MACROD2: variants seen among roughly 807,000 people sequenced by gnomAD.
MACROD2 encodes mono-ADP ribosylhydrolase 2, also known as ADP-ribose glycohydrolase MACROD2.
Under a neutral mutation model 70.4 loss-of-function variants are expected in MACROD2, and 36 were observed. That is an observed-to-expected ratio of 0.51 (90% CI 0.39 to 0.68). MACROD2 has a LOEUF of 0.68. Among genes scored for constraint, MACROD2 ranks in the 30% least tolerant of loss-of-function variants. MACROD2 has a pLI of 0.00. For missense variants in MACROD2, 496 were observed against 538.4 expected, an observed-to-expected ratio of 0.92 and a Z score of 0.78; for synonymous variants, 172 against 178.8, an observed-to-expected ratio of 0.96 and a Z score of 0.30.
At chr20:15,684,254 T>C (rs550958479) in intron 8 of MACROD2, among the ~76,000 whole-genome samples, 1 of 152,266 alleles carries the variant, frequency 6.6e-6, no homozygotes, top group African/African-American at 2.4e-5. Context: ...TTCCTCAGTA[T>C]GTAAAGAAGG....
intron 4 of MACROD2, among the ~76,000 whole-genome samples, chr20:14,567,335 A>T (rs1435159118): frequency 6.6e-6 from 1 of 152,080 alleles, no homozygotes; most frequent in African/African-American, 2.4e-5. Context: ...AGCTAGATCC[A>T]TATTTAATGG....
chr20:14,796,597 A>T (rs2072512388), intron 5 of MACROD2, among the ~76,000 whole-genome samples: 1 of 152,056 alleles, frequency 6.6e-6, no homozygotes, highest in Non-Finnish European at 1.5e-5. Context: ...TTATAAGAGT[A>T]CAGCATTTAT....
intron 8 of MACROD2, among the ~76,000 whole-genome samples, chr20:15,567,136 C>T (rs1404893274): frequency 6.6e-6 from 1 of 150,594 alleles, no homozygotes; most frequent in East Asian, 1.9e-4. Flanking sequence ...AATACACTGG[C>T]TCTAGTTAAA....
At chr20:15,486,874 T>C (rs1229451846) in intron 7 of MACROD2, among the ~76,000 whole-genome samples, 2 of 152,198 alleles carry the variant, frequency 1.3e-5, no homozygotes, top group Non-Finnish European at 2.9e-5. Context: ...AAACAACCTC[T>C]AAAACCAAGT....
At chr20:15,677,180 A>C (rs1175367365) in intron 8 of MACROD2, among the ~76,000 whole-genome samples, 1 of 152,194 alleles carries the variant, frequency 6.6e-6, no homozygotes, top group Admixed American at 6.5e-5. Context: ...GTTTTGGAGA[A>C]TAAGTTGTCT....
chr20:14,894,151 C>T (rs1257784367), intron 5 of MACROD2: 2 of 152,072 alleles, frequency 1.3e-5, no homozygotes, highest in African/African-American at 4.8e-5. Context: ...TTGTTTATTG[C>T]AATTTTTGCT....
intron 2 of MACROD2, among the ~76,000 whole-genome samples, chr20:14,074,282 G>A (rs934880848): frequency 8.5e-5 from 13 of 152,098 alleles, no homozygotes; most frequent in Admixed American, 8.5e-4. Context: ...TGCTTTAACT[G>A]CTGTCCAGCT....
rs199679897 is a variant in MACROD2, at chr20:14,486,518, TA to T, written c.272-6960del. ...ATCTGGCATAAAATAGCCAACTTTT[TA>T]TTTTATTTTTTTTTTTTGAGACAGA... On this transcript the variant is annotated intron_variant, in intron 3 of 17. Coordinates refer to ENST00000684519, the MANE Select transcript of MACROD2 (RefSeq NM_001351661.2). 1.5e-3 allele frequency among the ~76,000 whole-genome samples: 204 copies of T among 138,078 alleles called. 27 individuals carry two copies. The Middle Eastern group carries it at 0.022, about 15-fold the overall frequency. The allele number at this position is 138,078 out of a possible 152,430, so 90.6% of individuals were successfully genotyped here. A position where few individuals can be genotyped will look rare whatever the true frequency, so the allele number is the denominator to read the frequency against.
intron 8 of MACROD2, among the ~76,000 whole-genome samples, chr20:15,563,090 G>C (rs998213622): frequency 3.3e-5 from 5 of 152,214 alleles, no homozygotes; most frequent in African/African-American, 1.2e-4. Context: ...TGTGCATGCA[G>C]CCATGCACAA....
In MACROD2 at chr20:14,465,549, G is replaced by T. The variant is rs1420463650; in HGVS notation, c.272-27930G>T. ...CCCATTTATATTTAAGGTTAGTATTGTTATGTGTGAATTTGATCCTGTCAT... is the reference window on the plus strand; with the variant it reads ...CCCATTTATATTTAAGGTTAGTATTTTTATGTGTGAATTTGATCCTGTCAT... On this transcript the variant is annotated intron_variant, in intron 3 of 17. Transcript: ENST00000684519. 2.0e-5 allele frequency among the ~76,000 whole-genome samples: 3 copies of T among 151,990 alleles called. No homozygotes were observed. In the East Asian group the frequency reaches 5.8e-4, roughly 29 times the overall value.
chr20:15,103,919 T>A (rs1250756021), intron 5 of MACROD2, among the ~76,000 whole-genome samples: 1 of 152,104 alleles, frequency 6.6e-6, no homozygotes, highest in Non-Finnish European at 1.5e-5. Flanking sequence ...AAGTTTGGTA[T>A]ACCTGGGGCA....
rs948170711 is a variant in MACROD2, at chr20:15,338,652, T to G, written c.541-92753T>G. Among the ~76,000 whole-genome samples the G allele has an allele frequency of 8.6e-5, 13 of 151,696 alleles. 1 individual carries two copies. The highest frequency in any genetic ancestry group is 3.2e-4 in the African/African-American group (13 of 41,000). ...TAACTCCATAAAGTATTATTATTAT[T>G]ATCCTCATTTTTCAGATGAAGAAAC... On this transcript the variant is annotated intron_variant, in intron 6 of 17. Transcript: ENST00000684519.
chr20:14,633,325 G>A (rs1353798266), intron 4 of MACROD2, among the ~76,000 whole-genome samples: 1 of 152,110 alleles, frequency 6.6e-6, no homozygotes, highest in Non-Finnish European at 1.5e-5. Context: ...TCCACAGACG[G>A]TAACATTTAC....
intron 3 of MACROD2, among the ~76,000 whole-genome samples, chr20:14,147,930 G>T (rs6079321): frequency 0.72 from 110,087 of 152,082 alleles, 40,218 homozygotes; most frequent in East Asian, 0.81. Context: ...GTGACTTTAT[G>T]TATAGTGAAA....
chr20:15,133,622 G>T (rs1264142408), intron 5 of MACROD2, among the ~76,000 whole-genome samples: 1 of 151,916 alleles, frequency 6.6e-6, no homozygotes, highest in Non-Finnish European at 1.5e-5. Context: ...AGAAATTTTG[G>T]TCATACTGTT....
chr20:14,038,398 C>T (rs1224114774), intron 2 of MACROD2, among the ~76,000 whole-genome samples: 9 of 152,262 alleles, frequency 5.9e-5, no homozygotes, highest in African/African-American at 1.9e-4. Flanking sequence ...ACAATAACTC[C>T]ATGAAGTAAG....
At chr20:14,229,153 G>T (rs1199568068) in intron 3 of MACROD2, among the ~76,000 whole-genome samples, 1 of 152,142 alleles carries the variant, frequency 6.6e-6, no homozygotes. Flanking sequence ...ATAGGTGATC[G>T]TAGTTTGCTG....
intron 8 of MACROD2, among the ~76,000 whole-genome samples, chr20:15,690,391 A>G (rs1314716955): frequency 6.6e-6 from 1 of 152,202 alleles, no homozygotes; most frequent in Admixed American, 6.5e-5. Flanking sequence ...TTACTGAGAT[A>G]GAGATAAGAA....
chr20:14,974,601 A>G (rs146316862), intron 5 of MACROD2, among the ~76,000 whole-genome samples: 83 of 152,210 alleles, frequency 5.5e-4, no homozygotes, highest in African/African-American at 1.8e-3. Flanking sequence ...TACCTGGCCT[A>G]GAAAGGGAGG....
Sources: gnomAD v4.1 joint callset for allele counts (sites outside exome capture counted in the v4.1 genomes callset) on GRCh38, gnomAD v4.1.1 for gene constraint, MANE v1.5 for transcripts, NCBI Gene and HGNC (gene_info 2026-07-23, HGNC 2026-07-21) for gene names.